Variants in BTBD9 observed in about 807,000 individuals in gnomAD.
BTBD9 encodes BTB domain containing 9.
BTBD9 carries 49 observed loss-of-function variants against 64.3 expected under a neutral mutation model. The observed-to-expected ratio is 0.76, with a 90% CI of 0.61 to 0.97. The LOEUF is 0.97. Among genes scored for constraint, BTBD9 ranks in the 50% least tolerant of loss-of-function variants. The pLI is 0.00. For synonymous variants in BTBD9, 260 were observed against 274.7 expected (o/e 0.95, Z 0.53); for missense variants, 598 against 762.1 (o/e 0.78, Z 2.53).
At chr6:38,338,055 C>T (rs1400882290) in intron 7 of BTBD9, among the ~76,000 whole-genome samples, 3 of 152,178 alleles carry the variant, frequency 2.0e-5, no homozygotes, top group African/African-American at 7.2e-5. Flanking sequence ...CAACAGAGTT[C>T]TTGTGCTTCT....
At chr6:38,486,625 A>T (rs1428538302) in intron 6 of BTBD9, among the ~76,000 whole-genome samples, 1 of 152,184 alleles carries the variant, frequency 6.6e-6, no homozygotes, top group Non-Finnish European at 1.5e-5. Context: ...TCTGTCTTCT[A>T]TGGGTGTGGT....
At chr6:38,290,452 G>A (rs77873201) in intron 7 of BTBD9, among the ~76,000 whole-genome samples, 5,490 of 151,976 alleles carry the variant, frequency 0.036, 356 homozygotes, top group African/African-American at 0.12. Context: ...AGTAAATTGA[G>A]CTGAGACATA....
chr6:38,403,127 A>G (rs925129500), intron 6 of BTBD9, among the ~76,000 whole-genome samples: 7 of 118,374 alleles, frequency 5.9e-5, no homozygotes, highest in African/African-American at 1.2e-4. Context: ...GAAAAAAGAA[A>G]AGAAGAGAAG....
chr6:38,627,766 G>A (rs1778222002), intron 1 of BTBD9, among the ~76,000 whole-genome samples: 1 of 152,082 alleles, frequency 6.6e-6, no homozygotes, highest in Non-Finnish European at 1.5e-5. Context: ...GTCGCTCAAT[G>A]AGATGTTACA....
chr6:38,626,158 A>T (rs978382144), intron 1 of BTBD9, among the ~76,000 whole-genome samples: 1 of 152,184 alleles, frequency 6.6e-6, no homozygotes, highest in African/African-American at 2.4e-5. Flanking sequence ...CTTAAAAAAA[A>T]TTTTATTATT....
intron 6 of BTBD9, among the ~76,000 whole-genome samples, chr6:38,484,073 C>T (rs35978718): frequency 0.081 from 12,324 of 152,176 alleles, 666 homozygotes; most frequent in African/African-American, 0.14. Context: ...GTGGGTGCTC[C>T]GTAAACATTT....
At chr6:38,537,734 T>A (rs953128158) in intron 6 of BTBD9, among the ~76,000 whole-genome samples, 1 of 152,348 alleles carries the variant, frequency 6.6e-6, no homozygotes, top group South Asian at 2.1e-4. Context: ...CAGCAAATTT[T>A]AGCTGGCACA....
intron 7 of BTBD9, among the ~76,000 whole-genome samples, chr6:38,322,906 C>A (rs182463288): frequency 2.0e-5 from 3 of 152,258 alleles, no homozygotes; most frequent in East Asian, 1.9e-4. Flanking sequence ...GATAAATAAT[C>A]TTTTCTTCAC....
intron 1 of BTBD9, among the ~76,000 whole-genome samples, chr6:38,628,860 G>A (rs1264553321): frequency 6.6e-6 from 1 of 152,108 alleles, no homozygotes; most frequent in African/African-American, 2.4e-5. Context: ...TCTACCAAGT[G>A]TTCCTTGGAG....
intron 9 of BTBD9, among the ~76,000 whole-genome samples, chr6:38,224,202 G>T (rs1763309561): frequency 6.6e-6 from 1 of 151,946 alleles, no homozygotes. Flanking sequence ...GACAGAGCAA[G>T]ACTCTGTCTC....
intron 6 of BTBD9, among the ~76,000 whole-genome samples, chr6:38,369,609 T>A (rs1765335753): frequency 6.6e-6 from 1 of 152,214 alleles, no homozygotes; most frequent in African/African-American, 2.4e-5. Flanking sequence ...AAAAGTAATT[T>A]CAAGGAAAGA....
intron 6 of BTBD9, 51 bp from the exon 7 acceptor site, chr6:38,345,144 C>A (rs758611285): frequency 9.0e-6 from 11 of 1,220,726 alleles, no homozygotes; most frequent in East Asian, 4.7e-5. Context: ...CCCACCACAA[C>A]CAATCCAAGG....
intron 9 of BTBD9, chr6:38,207,265 A>G (rs536784395): frequency 8.6e-6 from 2 of 231,300 alleles, no homozygotes; most frequent in Admixed American, 8.9e-5. Flanking sequence ...CTGTGTTAAA[A>G]GAAAATGGGG....
intron 6 of BTBD9, among the ~76,000 whole-genome samples, chr6:38,576,494 G>A (rs980057438): frequency 2.0e-5 from 3 of 152,254 alleles, no homozygotes; most frequent in South Asian, 2.1e-4. Context: ...GAGGCTGAAC[G>A]GTTTTGTGAA....
chr6:38,338,593 A>G (rs1275272546), intron 7 of BTBD9, among the ~76,000 whole-genome samples: 4 of 152,134 alleles, frequency 2.6e-5, no homozygotes, highest in Admixed American at 6.5e-5. Context: ...TGCCCTAGTT[A>G]TTATCTCTCA....
intron 9 of BTBD9, among the ~76,000 whole-genome samples, chr6:38,202,082 T>G (rs1561866513): frequency 7.1e-6 from 1 of 140,498 alleles, no homozygotes; most frequent in East Asian, 2.5e-4. Context: ...TGTCGTTTTT[T>G]TTGTTTTTTT....
chr6:38,521,374 T>C lies in BTBD9; in HGVS notation c.1154+56226A>G, dbSNP rs141988281. 9.2e-4 allele frequency among the ~76,000 whole-genome samples: 140 copies of C among 152,358 alleles called. 3 individuals carry two copies. The East Asian group carries it at 0.025, about 28-fold the overall frequency. On this transcript the variant is annotated intron_variant, in intron 6 of 10. Transcript: ENST00000481247. ...AGATGTTAACCATCATTGTTACCAT[T>C]CTTATTAGCAGCTTTTCTACTTTAA...
intron 6 of BTBD9, among the ~76,000 whole-genome samples, chr6:38,465,751 A>ATG (rs1562224851): frequency 3.2e-3 from 131 of 41,386 alleles, no homozygotes; most frequent in Non-Finnish European, 4.7e-3. Context: ...ATATATATAT[A>ATG]TATATGTATG....
rs1397777464 is a variant in BTBD9 at position 38,168,650 on chromosome 6, G to C, written c.*6335C>G. ...TTTGGGCATCTTTGGAGTTTTAGAC[G>C]GAGCTTCTGGAGTCACAGAGCCATT... On this transcript the variant is annotated 3_prime_UTR_variant, in exon 11 of 11. Coordinates refer to ENST00000481247, the MANE Select transcript of BTBD9 (RefSeq NM_001099272.2). 1 of 152,284 alleles carries C rather than the reference G, an allele frequency of 6.6e-6. No homozygotes were observed. Among genetic ancestry groups the C allele is most frequent in the Non-Finnish European group, 1.5e-5 (1 of 68,094 alleles). The allele number at this position is 152,284 out of a possible 1,614,324, so 9.4% of individuals were successfully genotyped here.
Sources: gnomAD v4.1 joint callset for allele counts (sites outside exome capture counted in the v4.1 genomes callset) on GRCh38, gnomAD v4.1.1 for gene constraint, MANE v1.5 for transcripts, NCBI Gene and HGNC (gene_info 2026-07-23, HGNC 2026-07-21) for gene names.